Variants in LIPK observed in about 807,000 individuals in gnomAD.
LIPK encodes the protein lipase member K.
A neutral mutation model predicts 48.6 loss-of-function variants in LIPK; 32 were observed. The ratio of observed to expected loss-of-function variants is 0.66; its 90% CI spans 0.50 to 0.88. The LOEUF (loss-of-function observed/expected upper bound fraction) is 0.88. LIPK is among the 40% of genes least tolerant of loss of function. The pLI is 0.00. For synonymous variants in LIPK, 164 were observed against 157.4 expected (o/e 1.04, Z -0.32); for missense variants, 507 against 478.5 (o/e 1.06, Z -0.56).
chr10:88,725,057 T>C (rs958364342), intron 2 of LIPK, among the ~76,000 whole-genome samples: 7 of 152,204 alleles, frequency 4.6e-5, no homozygotes, highest in African/African-American at 1.4e-4. Context: ...ATTTTAACAT[T>C]CAGGAATTCA....
At chr10:88,722,066 G>C (rs557162230) in intron 1 of LIPK, among the ~76,000 whole-genome samples, 1 of 152,200 alleles carries the variant, frequency 6.6e-6, no homozygotes, top group Non-Finnish European at 1.5e-5. Flanking sequence ...GGGAGGCCAA[G>C]GTGGGTGGAT....
At chr10:88,737,393 C>T (rs1842593365) in intron 6 of LIPK, among the ~76,000 whole-genome samples, 1 of 152,088 alleles carries the variant, frequency 6.6e-6, no homozygotes, top group African/African-American at 2.4e-5. Flanking sequence ...TACTAATTTC[C>T]TGTGGGAACT....
intron 1 of LIPK, among the ~76,000 whole-genome samples, chr10:88,715,624 T>C (rs1842102044): frequency 6.6e-6 from 1 of 152,158 alleles, no homozygotes; most frequent in Non-Finnish European, 1.5e-5. Context: ...GTATTTTCTG[T>C]ATTAGCATTT....
intron 9 of LIPK, among the ~76,000 whole-genome samples, chr10:88,746,759 C>T (rs1197374093): frequency 6.6e-6 from 1 of 151,970 alleles, no homozygotes; most frequent in Non-Finnish European, 1.5e-5. Flanking sequence ...GAAAAAATAA[C>T]CAAAATTACA....
intron 9 of LIPK, among the ~76,000 whole-genome samples, chr10:88,743,550 G>A (rs1229979225): frequency 6.7e-6 from 1 of 149,984 alleles, no homozygotes; most frequent in African/African-American, 2.5e-5. Context: ...GAGGTTCAGA[G>A]AGGGTAGGTA....
At chr10:88,736,995 T>A (rs529057553) in intron 6 of LIPK, among the ~76,000 whole-genome samples, 3 of 152,334 alleles carry the variant, frequency 2.0e-5, no homozygotes, top group African/African-American at 7.2e-5. Flanking sequence ...AACTAGTAGC[T>A]GTGAAGCAAA....
At chr10:88,707,015 T>G (rs193128362) in intron 1 of LIPK, among the ~76,000 whole-genome samples, 6 of 152,304 alleles carry the variant, frequency 3.9e-5, no homozygotes, top group Non-Finnish European at 7.4e-5. Context: ...ATGAGTCAAC[T>G]GGATGGACTA....
At chr10:88,726,208 T>G (rs1005961509) in intron 2 of LIPK, among the ~76,000 whole-genome samples, 1 of 152,156 alleles carries the variant, frequency 6.6e-6, no homozygotes, top group African/African-American at 2.4e-5. Flanking sequence ...ACTAGGGTGC[T>G]TTAATAATAC....
chr10:88,726,642 C>T (rs1842348059), intron 2 of LIPK, among the ~76,000 whole-genome samples, 153 bp from the exon 3 acceptor site: 1 of 152,156 alleles, frequency 6.6e-6, no homozygotes, highest in Admixed American at 6.6e-5. Context: ...TGCAGTGAGC[C>T]AAGATCACAC....
rs17112457 is a variant in LIPK, at chr10:88,752,728, T to C, written c.1172T>C (p.Ile391Thr). ...APQEIYQDLI[I>T]LMEEYLQN ...CAGGAAATTTACCAAGACCTAATTA[T>C]ATTGATGGAAGAATATTTACAAAAT... Residue 391 changes from isoleucine to threonine, a missense_variant, in exon 10 of 10, where the codon ATA (isoleucine) becomes ACA (threonine). By Grantham distance (89) the Ile-to-Thr change is moderately conservative. Coordinates refer to ENST00000404190, the MANE Select transcript of LIPK (RefSeq NM_001080518.2). The C allele has an allele frequency of 1.9e-3, 2,892 of 1,556,348 alleles. 74 individuals carry two copies. The East Asian group carries it at 0.042, about 22-fold the overall frequency.
Position 88,732,406 on chromosome 10 carries a change from C to G in LIPK, c.533-9C>G. 1.2e-6 allele frequency: 2 copies of G among 1,605,226 alleles called. No individual in the cohort carries two copies. Among genetic ancestry groups the G allele is most frequent in the Non-Finnish European group, 1.7e-6 (2 of 1,177,550 alleles). On this transcript the variant is annotated splice_polypyrimidine_tract_variant and intron_variant, in intron 5 of 9. Transcript: ENST00000404190. ...GAAAACTATGAACTACTGTCTTCTT[C>G]CATTTCAGCTTTTATAGCATTTTCT...
chr10:88,716,482 C>T (rs972437776), intron 1 of LIPK, among the ~76,000 whole-genome samples: 2 of 147,440 alleles, frequency 1.4e-5, no homozygotes, highest in East Asian at 2.0e-4. Flanking sequence ...CTCAGCCTCC[C>T]GAGTAGCTGG....
chr10:88,739,860 TA>T, intron 7 of LIPK, 135 bp from the exon 8 acceptor site: 1 of 487,702 alleles, frequency 2.1e-6, no homozygotes, highest in Non-Finnish European at 3.5e-6. Flanking sequence ...AACTCAAAAA[TA>T]AAAATAAAAA....
chr10:88,719,110 T>C (rs1241517311), intron 1 of LIPK, among the ~76,000 whole-genome samples: 1 of 152,198 alleles, frequency 6.6e-6, no homozygotes, highest in Non-Finnish European at 1.5e-5. Flanking sequence ...GACATACATC[T>C]GAAATAATCA....
At chr10:88,738,062 C>T (rs941115129) in intron 7 of LIPK, among the ~76,000 whole-genome samples, 17 of 152,184 alleles carry the variant, frequency 1.1e-4, no homozygotes, top group Middle Eastern at 3.2e-3. Flanking sequence ...GCTGTGCCTA[C>T]GCCTTATGTC....
intron 3 of LIPK, among the ~76,000 whole-genome samples, chr10:88,729,110 G>T (rs1842409259): frequency 6.6e-6 from 1 of 151,290 alleles, no homozygotes; most frequent in Non-Finnish European, 1.5e-5. Context: ...GAAAAAACAA[G>T]TCTATTTTTT....
At chr10:88,728,639 C>T in intron 3 of LIPK, 1 of 490,124 alleles carries the variant, frequency 2.0e-6, no homozygotes, top group Non-Finnish European at 4.1e-6. Context: ...GCGCCACCTA[C>T]AGGAAGCTGC....
In LIPK at chr10:88,726,316, C is replaced by T. The variant is rs914565714; in HGVS notation, c.106-479C>T. On this transcript the variant is annotated intron_variant, in intron 2 of 9. Transcript: ENST00000404190. ...GCCTCTTTATGTAACTCCTAGAAAT[C>T]CCTCTTAAATTATCCTCATAGGAAT... 2.6e-5 allele frequency among the ~76,000 whole-genome samples: 4 copies of T among 152,208 alleles called. 1 individual carries two copies. The highest frequency in any genetic ancestry group is 5.9e-5 in the Non-Finnish European group (4 of 68,036).
chr10:88,707,044 G>C (rs138621036), intron 1 of LIPK, among the ~76,000 whole-genome samples: 3 of 152,248 alleles, frequency 2.0e-5, no homozygotes, highest in African/African-American at 7.2e-5. Flanking sequence ...TCTAGACATA[G>C]AGAGATTAAA....
Sources: allele counts gnomAD v4.1 joint callset (sites outside exome capture counted in the v4.1 genomes callset), GRCh38; gene constraint gnomAD v4.1.1; transcripts MANE v1.5; gene names NCBI Gene and HGNC (gene_info 2026-07-23, HGNC 2026-07-21).